AMPH: variants seen among roughly 807,000 people sequenced by gnomAD.
AMPH encodes amphiphysin (Stiff-Mann syndrome with breast cancer 128kD autoantigen).
Under a neutral mutation model 99.1 loss-of-function variants are expected in AMPH, and 49 were observed. The observed-to-expected ratio is 0.49, with a 90% CI of 0.39 to 0.63. AMPH has a LOEUF of 0.63. Ranked by LOEUF, AMPH falls within the 20% of genes least tolerant of loss-of-function variation. The pLI, the probability that AMPH is intolerant of heterozygous loss-of-function variation, is 0.00. For missense variants in AMPH, 759 were observed against 863.4 expected (o/e 0.88, Z 1.52); for synonymous variants, 314 against 317.3 (o/e 0.99, Z 0.11).
chr7:38,445,164 G>T (rs1202928801), intron 11 of AMPH, among the ~76,000 whole-genome samples: 1 of 150,154 alleles, frequency 6.7e-6, no homozygotes, highest in East Asian at 2.0e-4. Flanking sequence ...TTTCCACAAA[G>T]GTACAAAGGC....
chr7:38,432,587 TACACACACACAC>T lies in AMPH; in HGVS notation c.1135-387_1135-376del, dbSNP rs10556315. On this transcript the variant is annotated intron_variant, in intron 12 of 20. Transcript: ENST00000356264. The stretch of plus-strand genomic sequence containing the variant: ...TGAAACACAAATGAGGTTATTTTAA[TACACACACACAC>T]ACACACACACACACACACACACACC... Among the ~76,000 whole-genome samples, 1,278 of 148,172 alleles carry T rather than the reference TACACACACACAC, an allele frequency of 8.6e-3. 19 individuals carry two copies. Among genetic ancestry groups the T allele is most frequent in the African/African-American group, 0.027 (1,073 of 40,250 alleles).
intron 5 of AMPH, among the ~76,000 whole-genome samples, chr7:38,480,657 T>C (rs1788251456): frequency 6.6e-6 from 1 of 152,132 alleles, no homozygotes; most frequent in Admixed American, 6.5e-5. Flanking sequence ...ACACACCCAG[T>C]CACTCAAAGT....
intron 1 of AMPH, among the ~76,000 whole-genome samples, chr7:38,588,955 TACACAGTCAA>T (rs1416704477): frequency 6.6e-6 from 1 of 152,106 alleles, no homozygotes; most frequent in Admixed American, 6.6e-5. Context: ...CACTGACTAC[TACACAGTCAA>T]ACAAATATAA....
intron 2 of AMPH, among the ~76,000 whole-genome samples, chr7:38,526,179 T>C (rs1472803347): frequency 6.6e-6 from 1 of 152,186 alleles, no homozygotes; most frequent in Non-Finnish European, 1.5e-5. Flanking sequence ...TTTGCATTTC[T>C]CCGATGGCTA....
intron 3 of AMPH, among the ~76,000 whole-genome samples, chr7:38,501,751 T>C (rs1268809330): frequency 6.8e-6 from 1 of 147,044 alleles, no homozygotes; most frequent in African/African-American, 2.5e-5. Context: ...GAAACTGGTA[T>C]GTTAAAAAGC....
At chr7:38,604,457 G>C (rs541533747) in intron 1 of AMPH, among the ~76,000 whole-genome samples, 5 of 152,326 alleles carry the variant, frequency 3.3e-5, no homozygotes, top group Admixed American at 3.3e-4. Flanking sequence ...AGAGAAAGGA[G>C]ATATGCAAGA....
chr7:38,448,043 T>C (rs1175207681), intron 11 of AMPH, among the ~76,000 whole-genome samples: 1 of 152,162 alleles, frequency 6.6e-6, no homozygotes, highest in African/African-American at 2.4e-5. Context: ...GAAGTTATCT[T>C]TTATGTAATA....
In AMPH at chr7:38,392,165, G is replaced by A. The variant is rs1784521540; in HGVS notation, c.1609-148C>T. The A allele has an allele frequency of 1.2e-5, 9 of 732,378 alleles. No homozygotes were observed. The East Asian group carries it at 1.9e-4, about 15-fold the overall frequency. 45.4% of individuals were successfully genotyped at this position (732,378 alleles called of 1,614,324 possible). On this transcript the variant is annotated intron_variant, in intron 18 of 20. Transcript: ENST00000356264. ...AGCCAGACTCAGGTCTGGGCCTTCC[G>A]CTGTGCCACACAGCCTCCTTCTGTT...
At chr7:38,617,374 T>G (rs563492538) in intron 1 of AMPH, among the ~76,000 whole-genome samples, 30 of 152,360 alleles carry the variant, frequency 2.0e-4, no homozygotes, top group African/African-American at 7.2e-4. Flanking sequence ...TAGGCTGTGG[T>G]GACTCAAAAA....
chr7:38,398,383 AT>A (rs1190977918), intron 17 of AMPH, among the ~76,000 whole-genome samples: 1 of 152,192 alleles, frequency 6.6e-6, no homozygotes, highest in African/African-American at 2.4e-5. Context: ...AGATCTTGTC[AT>A]TTGCAACAAC....
intron 11 of AMPH, among the ~76,000 whole-genome samples, chr7:38,436,893 G>A (rs1460432837): frequency 6.6e-6 from 1 of 152,132 alleles, no homozygotes; most frequent in Non-Finnish European, 1.5e-5. Context: ...TCCCTCACTG[G>A]TACCCTACCC....
intron 2 of AMPH, among the ~76,000 whole-genome samples, chr7:38,508,192 T>C (rs185530146): frequency 3.2e-4 from 48 of 152,270 alleles, no homozygotes; most frequent in Middle Eastern, 6.8e-3. Flanking sequence ...CTGCACAATT[T>C]AGGGGCACCA....
intron 4 of AMPH, among the ~76,000 whole-genome samples, chr7:38,492,942 A>C (rs2129020948): frequency 6.6e-6 from 1 of 152,338 alleles, no homozygotes; most frequent in African/African-American, 2.4e-5. Flanking sequence ...GTTTTAATTG[A>C]AGAAATGTGA....
chr7:38,560,320 C>T (rs1014300474), intron 1 of AMPH, among the ~76,000 whole-genome samples: 10 of 152,188 alleles, frequency 6.6e-5, no homozygotes, highest in Non-Finnish European at 8.8e-5. Flanking sequence ...TCATCCCAAC[C>T]GCCCCAGCCA....
chr7:38,602,374 G>A (rs1793278678), intron 1 of AMPH, among the ~76,000 whole-genome samples: 1 of 152,250 alleles, frequency 6.6e-6, no homozygotes, highest in African/African-American at 2.4e-5. Flanking sequence ...GGGGTCAGAA[G>A]TTTGAAATGA....
chr7:38,440,383 C>T (rs1256278921), intron 11 of AMPH, among the ~76,000 whole-genome samples: 1 of 152,114 alleles, frequency 6.6e-6, no homozygotes, highest in African/African-American at 2.4e-5. Context: ...AGAAAGAATA[C>T]ATCACCCTCA....
intron 5 of AMPH, among the ~76,000 whole-genome samples, chr7:38,488,971 T>G (rs1259495124): frequency 1.3e-5 from 1 of 74,528 alleles, no homozygotes; most frequent in Non-Finnish European, 2.6e-5. Flanking sequence ...TTAATGGAAT[T>G]TTTAACAGAA....
chr7:38,613,567 G>A (rs2129067380), intron 1 of AMPH, among the ~76,000 whole-genome samples: 1 of 152,250 alleles, frequency 6.6e-6, no homozygotes, highest in Non-Finnish European at 1.5e-5. Flanking sequence ...TGAGCGGAGA[G>A]TATTTCTCCA....
At chr7:38,403,239 G>T (rs1275126925) in intron 17 of AMPH, among the ~76,000 whole-genome samples, 3 of 152,154 alleles carry the variant, frequency 2.0e-5, no homozygotes, top group Admixed American at 2.0e-4. Context: ...CGAGAGTCTG[G>T]CAGAGACTGA....
Sources: allele counts gnomAD v4.1 joint callset (sites outside exome capture counted in the v4.1 genomes callset), GRCh38; gene constraint gnomAD v4.1.1; transcripts MANE v1.5; gene names NCBI Gene and HGNC (gene_info 2026-07-23, HGNC 2026-07-21).